Variants in NUDT5 observed in about 807,000 individuals in gnomAD.
The protein encoded by NUDT5 is ADP-sugar pyrophosphatase.
In NUDT5, 21 loss-of-function variants were observed where a neutral mutation model predicts 34.1. The observed-to-expected ratio is 0.62, with a 90% CI of 0.44 to 0.89. The LOEUF (loss-of-function observed/expected upper bound fraction) is 0.89. Ranked by LOEUF, NUDT5 falls within the 40% of genes least tolerant of loss-of-function variation. The probability of loss-of-function intolerance (pLI) is 0.00; values close to 1 mark genes in which losing one functional copy is unlikely to be tolerated. For synonymous variants in NUDT5, 85 were observed against 97.6 expected, an observed-to-expected ratio of 0.87 and a Z score of 0.76; for missense variants, 249 against 274.8, an observed-to-expected ratio of 0.91 and a Z score of 0.66.
chr10:12,180,803 C>A (rs1835030550), intron 3 of NUDT5, among the ~76,000 whole-genome samples: 1 of 152,212 alleles, frequency 6.6e-6, no homozygotes, highest in African/African-American at 2.4e-5. Context: ...CTTTAGGATT[C>A]TGCTTCCAGT....
At position 12,167,781 on chromosome 10, in the gene NUDT5, T is replaced by C. The variant is rs775590409; in HGVS notation, c.581A>G (p.Asp194Gly). Reference protein sequence around the residue: ...ALVAEEHLTVDARVYSYALAL... With the variant: ...ALVAEEHLTVGARVYSYALAL... The stretch of plus-strand genomic sequence containing the variant: ...TAGAGCGTAGGAATAGACCCTGGCG[T>C]CCACTGTGAGATGTTCTTCAGCTAC... Residue 194 changes from aspartate (D) to glycine (G), a missense_variant, in exon 10 of 10, where the codon GAC becomes GGC. By Grantham distance (94) the Asp-to-Gly change is moderately conservative. Coordinates refer to ENST00000491614, the MANE Select transcript of NUDT5 (RefSeq NM_014142.4). 6.2e-7 allele frequency: 1 copy of C among 1,614,172 alleles called. No individual in the cohort carries two copies. The highest frequency in any genetic ancestry group is 1.7e-5 in the Admixed American group (1 of 60,012).
At chr10:12,189,160 C>T (rs191241853) in intron 1 of NUDT5, among the ~76,000 whole-genome samples, 10 of 152,182 alleles carry the variant, frequency 6.6e-5, no homozygotes, top group Admixed American at 6.5e-4. Context: ...GGCTGGAGTG[C>T]AAAGGCATGA....
Position 12,170,952 on chromosome 10 carries a change from G to T in NUDT5, c.488-44C>A. On this transcript the variant is annotated intron_variant, in intron 7 of 9. Transcript: ENST00000491614. The surrounding 1 kb of genome is among the most constrained non-coding windows in gnomAD (Gnocchi z 4.9). ...AAAACATTTCAGCAAGGCCTGGAGT[G>T]GTAACATCGGAAGACTTTTATACAA... is the stretch of plus-strand genomic sequence containing the variant. 1 of 1,605,624 alleles carries T rather than the reference G, an allele frequency of 6.2e-7. No individual in the cohort carries two copies. Among genetic ancestry groups the T allele is most frequent in the South Asian group, 1.1e-5 (1 of 89,730 alleles).
rs1415036036 is a variant in NUDT5, at chr10:12,170,067, A to G, written c.550+650T>C. The G allele has an allele frequency of 1.9e-6, 3 of 1,593,568 alleles. No individual in the cohort carries two copies. The highest frequency in any genetic ancestry group is 2.2e-5 in the East Asian group (1 of 44,798). On this transcript the variant is annotated intron_variant, in intron 9 of 9. Transcript: ENST00000491614. The surrounding 1 kb of genome is among the most constrained non-coding windows in gnomAD (Gnocchi z 4.9). ...CCATACAGTATCTCCTCGTCTCCAC[A>G]CAGTATCTCCTCATGTCTCCATACA...
At chr10:12,188,728 TA>T (rs1230471724) in intron 1 of NUDT5, among the ~76,000 whole-genome samples, 3 of 74,690 alleles carry the variant, frequency 4.0e-5, no homozygotes, top group Admixed American at 1.7e-4. Flanking sequence ...AGACTCCATC[TA>T]AAAAAAAAAA....
Position 12,173,883 on chromosome 10 carries a change from TTG to T in NUDT5, c.290-72_290-71del. ...TCTTTAAACCCTCCTTTTTTTTTTT[TTG>T]AGATGGAGTCTCACTCTGTCGCCCA... On this transcript the variant is annotated intron_variant, in intron 5 of 9. Transcript: ENST00000491614. This position sits in a 1 kb window ranked among gnomAD's most constrained non-coding sequence, Gnocchi z 4.7. 1 of 1,048,654 alleles carries T rather than the reference TTG, an allele frequency of 9.5e-7. No individual in the cohort carries two copies. Among genetic ancestry groups the T allele is most frequent in the Non-Finnish European group, 1.5e-6 (1 of 679,936 alleles). 65.0% of individuals were successfully genotyped at this position (1,048,654 alleles called of 1,614,324 possible). A position where few individuals can be genotyped will look rare whatever the true frequency, so the allele number is the denominator to read the frequency against.
At chr10:12,185,656 A>C (rs1030041250) in intron 2 of NUDT5, among the ~76,000 whole-genome samples, 1 of 152,220 alleles carries the variant, frequency 6.6e-6, no homozygotes, top group Non-Finnish European at 1.5e-5. Flanking sequence ...TTTTCAGCAG[A>C]TCTGTTCACA....
intron 7 of NUDT5, 179 bp downstream of exon 7, chr10:12,172,586 G>C (rs1261372885): frequency 1.7e-6 from 1 of 597,554 alleles, no homozygotes; most frequent in African/African-American, 1.9e-5. Context: ...GAATGAAGTG[G>C]CAAAAGAAAA....
In NUDT5 at chr10:12,187,734, G is replaced by A. The variant is rs1047039068; in HGVS notation, c.-41-1402C>T. On this transcript the variant is annotated intron_variant, in intron 1 of 9. Coordinates refer to ENST00000491614, the MANE Select transcript of NUDT5 (RefSeq NM_014142.4). This position sits in a 1 kb window ranked among gnomAD's most constrained non-coding sequence, Gnocchi z 5.4. ...TAGTCACTTTCATGTCGATGTTATTGTACTGGGAAGTCAAGTGGGTCCTTT... is the reference window on the plus strand; with the variant it reads ...TAGTCACTTTCATGTCGATGTTATTATACTGGGAAGTCAAGTGGGTCCTTT... Among the ~76,000 whole-genome samples the A allele has an allele frequency of 1.3e-5, 2 of 152,134 alleles. No individual in the cohort carries two copies. The highest frequency in any genetic ancestry group is 2.4e-5 in the African/African-American group (1 of 41,426).
chr10:12,173,616 T>C lies in NUDT5; in HGVS notation c.385+102A>G, dbSNP rs921083811. The C allele has an allele frequency of 3.2e-6, 3 of 938,744 alleles. No individual in the cohort carries two copies. Among genetic ancestry groups the C allele is most frequent in the African/African-American group, 3.2e-5 (2 of 61,956 alleles). The allele number at this position is 938,744 out of a possible 1,614,324, so 58.2% of individuals were successfully genotyped here. The stretch of plus-strand genomic sequence containing the variant: ...TGGTGACCAGTCCTAATCTGTGATT[T>C]CTTTCTCTTCAGTGAATTCTGAGCG... On this transcript the variant is annotated intron_variant, in intron 6 of 9. Coordinates refer to ENST00000491614, the MANE Select transcript of NUDT5 (RefSeq NM_014142.4). This position sits in a 1 kb window ranked among gnomAD's most constrained non-coding sequence, Gnocchi z 4.7.
intron 3 of NUDT5, among the ~76,000 whole-genome samples, chr10:12,183,798 G>C (rs770140752): frequency 6.6e-6 from 1 of 152,144 alleles, no homozygotes; most frequent in Non-Finnish European, 1.5e-5. Flanking sequence ...ATTTGGCAGA[G>C]TTTGAAAAGC....
At chr10:12,179,443 G>C (rs1835010617) in intron 3 of NUDT5, among the ~76,000 whole-genome samples, 1 of 152,078 alleles carries the variant, frequency 6.6e-6, no homozygotes, top group African/African-American at 2.4e-5. Flanking sequence ...TATGTCTCTG[G>C]GCAAGGAGCA....
At position 12,169,959 on chromosome 10, in the gene NUDT5, C is replaced by G; in HGVS notation, c.550+758G>C. Reference sequence around the variant, plus strand: ...ACCCAATAAAATATTCCCATGATGACAAGTGTCTGCTTCTTTCTAGATGAG... The same window carrying G: ...ACCCAATAAAATATTCCCATGATGAGAAGTGTCTGCTTCTTTCTAGATGAG... On this transcript the variant is annotated intron_variant, in intron 9 of 9. Coordinates refer to ENST00000491614, the MANE Select transcript of NUDT5 (RefSeq NM_014142.4). This position sits in a 1 kb window ranked among gnomAD's most constrained non-coding sequence, Gnocchi z 4.8. 1 of 637,724 alleles carries G rather than the reference C, an allele frequency of 1.6e-6. No individual in the cohort carries two copies. The highest frequency in any genetic ancestry group is 2.8e-6 in the Non-Finnish European group (1 of 358,062). 39.5% of individuals were successfully genotyped at this position (637,724 alleles called of 1,614,324 possible).
At position 12,186,162 on chromosome 10, in the gene NUDT5, T is replaced by C. The variant is rs1835123591; in HGVS notation, c.63+67A>G. On this transcript the variant is annotated intron_variant, in intron 2 of 9. Transcript: ENST00000491614. ...TGAAAGACCACCATTGTAACAACAG[T>C]CTATATATTTCTGCTAAACTCAGAT... is the stretch of plus-strand genomic sequence containing the variant. 47 of 1,148,068 alleles carry C rather than the reference T, an allele frequency of 4.1e-5. No individual in the cohort carries two copies. The South Asian group carries it at 5.7e-4, about 14-fold the overall frequency. 71.1% of individuals were successfully genotyped at this position (1,148,068 alleles called of 1,614,324 possible).
At chr10:12,191,450 C>T (rs998462692) in intron 1 of NUDT5, among the ~76,000 whole-genome samples, 1 of 151,906 alleles carries the variant, frequency 6.6e-6, no homozygotes, top group African/African-American at 2.4e-5. Context: ...ACTCCCAAAA[C>T]AACTCCACAT....
chr10:12,177,065 T>C (rs1236881587), intron 5 of NUDT5, among the ~76,000 whole-genome samples: 6 of 148,144 alleles, frequency 4.1e-5, no homozygotes, highest in Non-Finnish European at 7.4e-5. Context: ...GAGGTTGCAG[T>C]GAGCCGAGAT....
intron 1 of NUDT5, among the ~76,000 whole-genome samples, chr10:12,189,402 G>C (rs1318447690): frequency 6.6e-6 from 1 of 152,142 alleles, no homozygotes; most frequent in Non-Finnish European, 1.5e-5. Flanking sequence ...CACCGTGCCT[G>C]GCCGCTAAAA....
In NUDT5 at chr10:12,175,211, G is replaced by A. The variant is rs1005835565; in HGVS notation, c.290-1398C>T. On this transcript the variant is annotated intron_variant, in intron 5 of 9. Coordinates refer to ENST00000491614, the MANE Select transcript of NUDT5 (RefSeq NM_014142.4). The surrounding 1 kb of genome is among the most constrained non-coding windows in gnomAD (Gnocchi z 4.8). ...TGGTACGCACCTGTATTCCAGCTACGCGGGAGGCTGAGGCAGGAGAATCGC... is the reference window on the plus strand; with the variant it reads ...TGGTACGCACCTGTATTCCAGCTACACGGGAGGCTGAGGCAGGAGAATCGC... Among the ~76,000 whole-genome samples, 1 of 152,056 alleles carries A rather than the reference G, an allele frequency of 6.6e-6. No homozygotes were observed. The highest frequency in any genetic ancestry group is 1.5e-5 in the Non-Finnish European group (1 of 68,004).
At chr10:12,191,756 T>G (rs955573008) in intron 1 of NUDT5, among the ~76,000 whole-genome samples, 2 of 152,134 alleles carry the variant, frequency 1.3e-5, no homozygotes, top group African/African-American at 2.4e-5. Flanking sequence ...TAAACTAATT[T>G]TGGGGTTAGG....
Sources: allele counts gnomAD v4.1 joint callset (sites outside exome capture counted in the v4.1 genomes callset), GRCh38; gene constraint gnomAD v4.1.1; non-coding constraint Gnocchi (gnomAD v3.1); transcripts MANE v1.5; gene names NCBI Gene and HGNC (gene_info 2026-07-23, HGNC 2026-07-21).